The following TFDP2 variants were observed in gnomAD, a reference collection of about 807,000 sequenced individuals.
TFDP2 encodes transcription factor Dp-2.
In TFDP2, 17 loss-of-function variants were observed where a neutral mutation model predicts 59.3. That is an observed-to-expected ratio of 0.29 (90% confidence interval 0.20 to 0.43). The LOEUF is 0.43. Ranked by LOEUF, TFDP2 falls within the 20% of genes least tolerant of loss-of-function variation. The pLI, the probability that TFDP2 is intolerant of heterozygous loss-of-function variation, is 1.00. For synonymous variants in TFDP2, 180 were observed against 194.7 expected (o/e 0.92, Z 0.63); for missense variants, 391 against 528.8 (o/e 0.74, Z 2.56).
At chr3:141,997,849 C>CAAAAAA (rs3058569) in intron 4 of TFDP2, among the ~76,000 whole-genome samples, 33 of 83,940 alleles carry the variant, frequency 3.9e-4, no homozygotes, top group African/African-American at 5.1e-4. Context: ...GACTCCATCT[C>CAAAAAA]AAAAAAAAAA....
intron 1 of TFDP2, among the ~76,000 whole-genome samples, chr3:142,120,228 G>C (rs540580084): frequency 4.6e-5 from 7 of 151,804 alleles, no homozygotes; most frequent in Non-Finnish European, 1.0e-4. Context: ...TGGGCTTGGT[G>C]GTGGGCGCCT....
intron 3 of TFDP2, among the ~76,000 whole-genome samples, chr3:142,048,385 T>C (rs994498438): frequency 1.3e-5 from 2 of 149,082 alleles, no homozygotes; most frequent in South Asian, 2.1e-4. Context: ...TATACTCCAG[T>C]CTGGATGACA....
chr3:142,011,590 TAAAAAAAAAAAGA>T (rs1472822352), intron 3 of TFDP2, among the ~76,000 whole-genome samples: 1 of 63,892 alleles, frequency 1.6e-5, no homozygotes, highest in Admixed American at 1.8e-4. Flanking sequence ...TAAAGTATAA[TAAAAAAAAAAAGA>T]AAAAAAAAAA....
intron 11 of TFDP2, 115 bp from the exon 12 acceptor site, chr3:141,953,131 T>C: frequency 1.6e-6 from 1 of 639,862 alleles, no homozygotes; most frequent in Non-Finnish European, 2.6e-6. Flanking sequence ...TCATGACAGC[T>C]AGACAATTCT....
intron 3 of TFDP2, among the ~76,000 whole-genome samples, chr3:142,053,100 G>A (rs756058216): frequency 3.3e-5 from 5 of 152,140 alleles, no homozygotes; most frequent in Admixed American, 6.5e-5. Flanking sequence ...GAGCCACCGC[G>A]CCCAGCCCAG....
At chr3:141,977,148 C>T (rs1576544311) in intron 7 of TFDP2, among the ~76,000 whole-genome samples, 1 of 103,648 alleles carries the variant, frequency 9.6e-6, no homozygotes, top group African/African-American at 3.6e-5. Context: ...GAGACGAAGT[C>T]TTGCTTTGCC....
intron 1 of TFDP2, among the ~76,000 whole-genome samples, chr3:142,115,648 A>T (rs2061831778): frequency 6.6e-6 from 1 of 152,216 alleles, no homozygotes; most frequent in Non-Finnish European, 1.5e-5. Flanking sequence ...AAGTACCTGC[A>T]TGTAGAGAAA....
At chr3:141,992,856 T>C (rs1942917886) in intron 6 of TFDP2, among the ~76,000 whole-genome samples, 1 of 152,180 alleles carries the variant, frequency 6.6e-6, no homozygotes. Flanking sequence ...AGATAGCAAA[T>C]TAGAAAATGT....
chr3:142,023,348 CT>C lies in TFDP2; in HGVS notation c.83-17805del, dbSNP rs546658033. Among the ~76,000 whole-genome samples, 562 of 143,860 alleles carry C rather than the reference CT, an allele frequency of 3.9e-3. 2 individuals carry two copies. Among genetic ancestry groups the C allele is most frequent in the Non-Finnish European group, 6.6e-3 (430 of 65,396 alleles). The allele number at this position is 143,860 out of a possible 152,430, so 94.4% of individuals were successfully genotyped here. On this transcript the variant is annotated intron_variant, in intron 3 of 12. Transcript: ENST00000489671. ...TATGGGCGTGTGCCACCACATCTGG[CT>C]TTTTTTTTTTCTTGTATTTTTAGTA... is the stretch of plus-strand genomic sequence containing the variant.
chr3:142,042,782 C>T (rs1947071594), intron 3 of TFDP2, among the ~76,000 whole-genome samples: 2 of 145,026 alleles, frequency 1.4e-5, no homozygotes, highest in South Asian at 4.5e-4. Context: ...CTTTTTTGCC[C>T]AGGCTGGAGT....
intron 11 of TFDP2, among the ~76,000 whole-genome samples, chr3:141,957,182 C>A (rs573343579): frequency 2.0e-5 from 3 of 151,506 alleles, no homozygotes; most frequent in Non-Finnish European, 4.4e-5. Context: ...CCGGGCATAG[C>A]GGCAAGGTGC....
intron 6 of TFDP2, among the ~76,000 whole-genome samples, chr3:141,987,346 G>C (rs1476942963): frequency 6.7e-6 from 1 of 149,274 alleles, no homozygotes; most frequent in Non-Finnish European, 1.5e-5. Context: ...ACAGTGGTGT[G>C]ATCTCTGCTC....
chr3:142,145,230 G>T (rs1469818960), intron 1 of TFDP2, among the ~76,000 whole-genome samples: 1 of 152,120 alleles, frequency 6.6e-6, no homozygotes, highest in Non-Finnish European at 1.5e-5. Flanking sequence ...AAGGTATATT[G>T]CTCCAAATAA....
chr3:141,995,485 T>C (rs1207346407), intron 4 of TFDP2, among the ~76,000 whole-genome samples: 1 of 152,238 alleles, frequency 6.6e-6, no homozygotes, highest in Non-Finnish European at 1.5e-5. Context: ...CTTGATTTAC[T>C]AGAACCAGGG....
intron 8 of TFDP2, among the ~76,000 whole-genome samples, chr3:141,973,123 A>ATATATATATAT: frequency 1.9e-4 from 11 of 58,026 alleles, no homozygotes; most frequent in African/African-American, 4.5e-4. Context: ...ATATATATAT[A>ATATATATATAT]TTTTTTTTTT....
chr3:142,108,039 G>T (rs1214873711), intron 1 of TFDP2, among the ~76,000 whole-genome samples: 2 of 152,042 alleles, frequency 1.3e-5, no homozygotes, highest in African/African-American at 4.8e-5. Context: ...TAGGTTGCGT[G>T]AAAGTTGATT....
intron 3 of TFDP2, among the ~76,000 whole-genome samples, chr3:142,009,189 G>A (rs886823464): frequency 6.6e-5 from 10 of 152,274 alleles, no homozygotes; most frequent in African/African-American, 2.2e-4. Context: ...GATAAAAACT[G>A]TTTGATCAGC....
Position 141,952,920 on chromosome 3 carries a change from G to C in TFDP2, c.1148C>G (p.Pro383Arg), listed in dbSNP as rs757373091. 12 of 1,613,722 alleles carry C rather than the reference G, an allele frequency of 7.4e-6. No homozygotes were observed. The South Asian group carries it at 1.2e-4, about 16-fold the overall frequency. Residue 383 changes from proline to arginine, a missense_variant, in exon 12 of 13, where the codon CCC becomes CGC. By Grantham distance (103) the Pro-to-Arg change is moderately radical. Coordinates refer to ENST00000489671, the MANE Select transcript of TFDP2 (RefSeq NM_001178139.2). The part of the protein sequence containing the change: ...NLDLTTGATL[P>R]QSSVNQGLCL... ...TGAAAAAAATACGTACCTTGACTGGGGTAAGGTGGCACCAGTGGTCAGGTC... is the reference window on the plus strand; with the variant it reads ...TGAAAAAAATACGTACCTTGACTGGCGTAAGGTGGCACCAGTGGTCAGGTC...
chr3:142,045,096 A>T (rs1421781171), intron 3 of TFDP2, among the ~76,000 whole-genome samples: 2 of 150,864 alleles, frequency 1.3e-5, no homozygotes, highest in Admixed American at 1.3e-4. Context: ...TCAAAGTATA[A>T]TTTTTTTCTG....
Sources: allele counts gnomAD v4.1 joint callset (sites outside exome capture counted in the v4.1 genomes callset), GRCh38; gene constraint gnomAD v4.1.1; transcripts MANE v1.5; gene names NCBI Gene and HGNC (gene_info 2026-07-23, HGNC 2026-07-21).